The following MARK3 variants were observed in gnomAD, a reference collection of about 807,000 sequenced individuals.
The protein encoded by MARK3 is MAP/microtubule affinity-regulating kinase 3.
MARK3 carries 46 observed loss-of-function variants against 90.1 expected under a neutral mutation model. The observed-to-expected ratio is 0.51, with a 90% confidence interval of 0.40 to 0.65. The LOEUF (loss-of-function observed/expected upper bound fraction) is 0.65, where lower values mean the gene tolerates loss of function less well. Ranked by LOEUF, MARK3 falls within the 30% of genes least tolerant of loss-of-function variation. The pLI, the probability that MARK3 is intolerant of heterozygous loss-of-function variation, is 0.00. For missense variants in MARK3, 818 were observed against 947.2 expected (o/e 0.86, Z 1.79); for synonymous variants, 321 against 332.6 (o/e 0.97, Z 0.38).
chr14:103,456,565 TCTC>T (rs1375770624), intron 5 of MARK3, among the ~76,000 whole-genome samples: 3 of 152,196 alleles, frequency 2.0e-5, no homozygotes, highest in African/African-American at 7.2e-5. Context: ...CTTGTCTGTC[TCTC>T]CTACTTTTTC....
chr14:103,421,580 A>G (rs1245910553), intron 2 of MARK3, among the ~76,000 whole-genome samples: 2 of 152,174 alleles, frequency 1.3e-5, no homozygotes, highest in Non-Finnish European at 2.9e-5. Context: ...CGGTCTTTAC[A>G]CTGGGACATT....
At chr14:103,391,001 A>T (rs2090201009) in intron 1 of MARK3, among the ~76,000 whole-genome samples, 1 of 152,168 alleles carries the variant, frequency 6.6e-6, no homozygotes, top group African/African-American at 2.4e-5. Context: ...GTGAGCCACC[A>T]CACTCAGTCA....
At chr14:103,432,440 T>C (rs2092608679) in intron 3 of MARK3, among the ~76,000 whole-genome samples, 1 of 152,166 alleles carries the variant, frequency 6.6e-6, no homozygotes, top group Non-Finnish European at 1.5e-5. Context: ...CTCCCTCCCT[T>C]CCTTCCACTG....
chr14:103,485,548 C>T (rs898245659), intron 14 of MARK3, among the ~76,000 whole-genome samples: 3 of 152,110 alleles, frequency 2.0e-5, no homozygotes, highest in Non-Finnish European at 2.9e-5. Flanking sequence ...ACTAGGTTTA[C>T]AGGCATGAGC....
intron 13 of MARK3, among the ~76,000 whole-genome samples, chr14:103,476,571 T>C (rs953888320): frequency 6.6e-6 from 1 of 152,248 alleles, no homozygotes; most frequent in African/African-American, 2.4e-5. Flanking sequence ...TGTATTGAAG[T>C]ATGTTCTATC....
At chr14:103,481,553 G>A (rs2093818086) in intron 14 of MARK3, among the ~76,000 whole-genome samples, 1 of 152,002 alleles carries the variant, frequency 6.6e-6, no homozygotes, top group Non-Finnish European at 1.5e-5. Flanking sequence ...GAGTTGATAT[G>A]AGGAGTAACA....
At chr14:103,497,669 C>T (rs1266743649) in intron 15 of MARK3, among the ~76,000 whole-genome samples, 6 of 152,076 alleles carry the variant, frequency 3.9e-5, no homozygotes, top group Admixed American at 1.3e-4. Context: ...CCCCAATCAC[C>T]TATTTTTTTC....
At chr14:103,491,606 C>T (rs543108199) in intron 14 of MARK3, 171 bp from the exon 15 acceptor site, 1 of 622,448 alleles carries the variant, frequency 1.6e-6, no homozygotes, top group African/African-American at 1.8e-5. Flanking sequence ...ATGTATTGTT[C>T]TTTTGGTACC....
Position 103,451,907 on chromosome 14 carries a change from C to A in MARK3, c.347-11C>A. ...GTCTCTTTTTCTTCCGTGTCCTCTC[C>A]TCTCCCGCAGTGAAGTTATTCGAAG... On this transcript the variant is annotated splice_polypyrimidine_tract_variant and intron_variant, in intron 4 of 17. Coordinates refer to ENST00000429436, the MANE Select transcript of MARK3 (RefSeq NM_001128918.3). The A allele has an allele frequency of 6.2e-7, 1 of 1,603,420 alleles. No individual in the cohort carries two copies. Among genetic ancestry groups the A allele is most frequent in the Non-Finnish European group, 8.5e-7 (1 of 1,172,490 alleles).
At chr14:103,404,216 G>A (rs2091137705) in intron 1 of MARK3, among the ~76,000 whole-genome samples, 1 of 152,184 alleles carries the variant, frequency 6.6e-6, no homozygotes, top group Non-Finnish European at 1.5e-5. Flanking sequence ...TAGGTATATA[G>A]AGAAAGACAG....
rs113229500 is a variant in MARK3, at chr14:103,487,775, G to A, written c.1587-4002G>A. On this transcript the variant is annotated intron_variant, in intron 14 of 17. Transcript: ENST00000429436. Reference sequence around the variant, plus strand: ...GAAAAATACATTTGTGTAGCCAGGCGCGGTGGCTCACACCTGTAATCCCAG... The same window carrying A: ...GAAAAATACATTTGTGTAGCCAGGCACGGTGGCTCACACCTGTAATCCCAG... 9.9e-4 allele frequency among the ~76,000 whole-genome samples: 150 copies of A among 152,200 alleles called. 2 individuals are homozygous for A. Among genetic ancestry groups the A allele is most frequent in the African/African-American group, 3.6e-3 (148 of 41,530 alleles).
intron 1 of MARK3, among the ~76,000 whole-genome samples, chr14:103,392,048 T>C (rs2090287186): frequency 6.6e-6 from 1 of 152,182 alleles, no homozygotes; most frequent in African/African-American, 2.4e-5. Flanking sequence ...GCCCAGGGCT[T>C]TCCCAGTTAT....
intron 4 of MARK3, 34 bp from the exon 5 acceptor site, chr14:103,451,884 C>T (rs774912058): frequency 6.6e-7 from 1 of 1,518,782 alleles, no homozygotes; most frequent in Non-Finnish European, 9.1e-7. Flanking sequence ...AGACATTTGT[C>T]TCTTTTTCTT....
intron 13 of MARK3, among the ~76,000 whole-genome samples, chr14:103,475,696 C>T (rs1016036205): frequency 1.3e-5 from 2 of 152,164 alleles, no homozygotes; most frequent in Non-Finnish European, 2.9e-5. Flanking sequence ...CCTGTAATCT[C>T]AGCACTTTGG....
intron 2 of MARK3, among the ~76,000 whole-genome samples, chr14:103,427,910 C>T (rs1448199343): frequency 6.6e-6 from 1 of 152,184 alleles, no homozygotes; most frequent in Non-Finnish European, 1.5e-5. Flanking sequence ...TTCTGCCAAG[C>T]TCCTCCTATC....
chr14:103,486,035 A>ATGT (rs1176786899), intron 14 of MARK3, among the ~76,000 whole-genome samples: 4 of 152,044 alleles, frequency 2.6e-5, no homozygotes, highest in African/African-American at 9.7e-5. Flanking sequence ...TCACGCCACC[A>ATGT]TGTAATCCCA....
At chr14:103,452,098 A>C (rs900661126) in intron 5 of MARK3, 115 bp downstream of exon 5, 5 of 656,326 alleles carry the variant, frequency 7.6e-6, no homozygotes, top group Non-Finnish European at 1.3e-5. Context: ...CCAGAGCCAT[A>C]ATACGCTAGG....
intron 7 of MARK3, among the ~76,000 whole-genome samples, chr14:103,465,072 A>G (rs1386053098): frequency 6.6e-6 from 1 of 151,990 alleles, no homozygotes; most frequent in African/African-American, 2.4e-5. Flanking sequence ...AGTTCAAGCA[A>G]TTCTCCTGCC....
chr14:103,415,159 A>C (rs1178137028), intron 2 of MARK3, among the ~76,000 whole-genome samples: 4 of 150,402 alleles, frequency 2.7e-5, no homozygotes, highest in South Asian at 2.1e-4. Context: ...TCAAAAAAAA[A>C]AAAAAAAAAA....
Sources: allele counts gnomAD v4.1 joint callset (sites outside exome capture counted in the v4.1 genomes callset), GRCh38; gene constraint gnomAD v4.1.1; transcripts MANE v1.5; gene names NCBI Gene and HGNC (gene_info 2026-07-23, HGNC 2026-07-21).